Variants in NRXN1 observed in about 807,000 individuals in gnomAD.
NRXN1 encodes the protein neurexin-1.
In NRXN1, 39 loss-of-function variants were observed where a neutral mutation model predicts 150.9. The observed-to-expected ratio is 0.26, with a 90% CI of 0.20 to 0.34. The LOEUF (loss-of-function observed/expected upper bound fraction) is 0.34, where lower values mean the gene tolerates loss of function less well. Ranked by LOEUF, NRXN1 falls within the 10% of genes least tolerant of loss-of-function variation. NRXN1 has a pLI of 1.00. For synonymous variants in NRXN1, 924 were observed against 757.0 expected (o/e 1.22, Z -3.62); for missense variants, 1,815 against 1,949.9 (o/e 0.93, Z 1.30).
intron 5 of NRXN1, among the ~76,000 whole-genome samples, chr2:50,746,663 T>A (rs1217377391): frequency 6.6e-6 from 1 of 152,160 alleles, no homozygotes; most frequent in Non-Finnish European, 1.5e-5. Flanking sequence ...ACTCAGAGAC[T>A]GGGGGCTGCT....
intron 8 of NRXN1, among the ~76,000 whole-genome samples, chr2:50,569,286 G>C (rs1453572334): frequency 6.6e-6 from 1 of 152,026 alleles, no homozygotes; most frequent in East Asian, 1.9e-4. Flanking sequence ...ATAACTAAAA[G>C]AGTGTAATTG....
At chr2:50,785,261 T>C (rs1294284005) in intron 5 of NRXN1, among the ~76,000 whole-genome samples, 1 of 148,696 alleles carries the variant, frequency 6.7e-6, no homozygotes, top group Non-Finnish European at 1.5e-5. Context: ...TTTTTTTTTT[T>C]TTTTTGAGAC....
intron 2 of NRXN1, among the ~76,000 whole-genome samples, chr2:50,982,632 G>C (rs1221089762): frequency 6.6e-6 from 1 of 151,976 alleles, no homozygotes. Flanking sequence ...TATCAATAAG[G>C]CACCATTTGG....
rs114513679 is a variant in NRXN1 at position 50,956,377 on chromosome 2, T to A, written c.773-30422A>T. 2.8e-3 allele frequency among the ~76,000 whole-genome samples: 426 copies of A among 152,244 alleles called. 2 individuals carry two copies. The highest frequency in any genetic ancestry group is 9.5e-3 in the African/African-American group (394 of 41,540). ...GGGGCCTTGGAACATATTCCCCTCA[T>A]GTAAGGGGAGTAATCGCTATACATA... On this transcript the variant is annotated intron_variant, in intron 2 of 22. Coordinates refer to ENST00000401669, the MANE Select transcript of NRXN1 (RefSeq NM_001330078.2).
chr2:50,420,107 C>T (rs2083860256), intron 17 of NRXN1, among the ~76,000 whole-genome samples: 1 of 151,956 alleles, frequency 6.6e-6, no homozygotes. Flanking sequence ...AAATGACAGA[C>T]TTAAGAGAGG....
chr2:50,783,041 G>C (rs1026630767), intron 5 of NRXN1, among the ~76,000 whole-genome samples: 1 of 152,070 alleles, frequency 6.6e-6, no homozygotes, highest in South Asian at 2.1e-4. Flanking sequence ...GCCCCATTCT[G>C]TTATCTGTTA....
intron 5 of NRXN1, among the ~76,000 whole-genome samples, chr2:50,839,016 G>C (rs1160053276): frequency 6.6e-6 from 1 of 152,058 alleles, no homozygotes. Flanking sequence ...AGAATCAAGA[G>C]CCTGGTTTTC....
chr2:50,133,968 T>G (rs1297253592), intron 18 of NRXN1, among the ~76,000 whole-genome samples: 1 of 152,132 alleles, frequency 6.6e-6, no homozygotes, highest in East Asian at 1.9e-4. Flanking sequence ...AGACCTTCTC[T>G]AAACCCCAGG....
At chr2:50,434,130 G>A (rs898270573) in intron 17 of NRXN1, among the ~76,000 whole-genome samples, 13 of 129,858 alleles carry the variant, frequency 1.0e-4, no homozygotes, top group South Asian at 5.1e-4. Context: ...GCGCATCTCC[G>A]CTCACTGCAA....
At chr2:50,768,202 T>C (rs1253527467) in intron 5 of NRXN1, among the ~76,000 whole-genome samples, 2 of 152,136 alleles carry the variant, frequency 1.3e-5, no homozygotes, top group Non-Finnish European at 2.9e-5. Context: ...TTTGGGATTC[T>C]CTGCAGTGTA....
At chr2:50,289,949 C>T (rs774604539) in intron 17 of NRXN1, among the ~76,000 whole-genome samples, 13 of 152,024 alleles carry the variant, frequency 8.6e-5, no homozygotes, top group Non-Finnish European at 1.9e-4. Context: ...CCTGAGACAA[C>T]CCAGTTATTG....
chr2:50,505,088 T>C (rs1429738828), intron 13 of NRXN1, among the ~76,000 whole-genome samples: 4 of 152,172 alleles, frequency 2.6e-5, no homozygotes, highest in Non-Finnish European at 4.4e-5. Flanking sequence ...TAATAATCTG[T>C]GTTTTATATG....
chr2:49,992,366 C>T lies in NRXN1; in HGVS notation c.4129-48575G>A, dbSNP rs573839071. ...CATCCTGGACAACATGGTGAAACTC[C>T]GTCTCTACTAAAATACAAACAAAAA... On this transcript the variant is annotated intron_variant, in intron 21 of 22. Transcript: ENST00000401669. 3.9e-4 allele frequency among the ~76,000 whole-genome samples: 59 copies of T among 150,124 alleles called. 1 individual carries two copies. Among genetic ancestry groups the T allele is most frequent in the South Asian group, 2.8e-3 (13 of 4,718 alleles).
At chr2:50,317,234 T>A (rs2075682052) in intron 17 of NRXN1, among the ~76,000 whole-genome samples, 1 of 151,962 alleles carries the variant, frequency 6.6e-6, no homozygotes, top group African/African-American at 2.4e-5. Context: ...ACATAATTGA[T>A]TAATTAGACA....
chr2:49,961,114 C>T (rs76929319), intron 21 of NRXN1, among the ~76,000 whole-genome samples: 11 of 151,826 alleles, frequency 7.2e-5, no homozygotes, highest in East Asian at 1.9e-4. Context: ...TGTTTTCTAG[C>T]GAAAACTTGC....
chr2:50,220,886 G>A (rs1019332393), intron 18 of NRXN1, among the ~76,000 whole-genome samples: 1 of 151,962 alleles, frequency 6.6e-6, no homozygotes, highest in Non-Finnish European at 1.5e-5. Flanking sequence ...GTTATTGCTA[G>A]TTATGCAAGG....
At chr2:50,477,500 T>C (rs2090085696) in intron 15 of NRXN1, among the ~76,000 whole-genome samples, 1 of 152,142 alleles carries the variant, frequency 6.6e-6, no homozygotes, top group Admixed American at 6.5e-5. Context: ...AATGACGCGG[T>C]AGAGATTTCC....
chr2:49,988,543 T>C (rs1040679782), intron 21 of NRXN1, among the ~76,000 whole-genome samples: 3 of 151,414 alleles, frequency 2.0e-5, no homozygotes, highest in Non-Finnish European at 2.9e-5. Context: ...CCAGAAGACT[T>C]AGTGACTTAG....
chr2:50,523,911 T>A (rs538839875), intron 12 of NRXN1, among the ~76,000 whole-genome samples: 95 of 152,300 alleles, frequency 6.2e-4, no homozygotes, highest in Non-Finnish European at 1.2e-3. Flanking sequence ...ATACACTATT[T>A]TCTGTGAGAA....
Sources: gnomAD v4.1 joint callset for allele counts (sites outside exome capture counted in the v4.1 genomes callset) on GRCh38, gnomAD v4.1.1 for gene constraint, MANE v1.5 for transcripts, NCBI Gene and HGNC (gene_info 2026-07-23, HGNC 2026-07-21) for gene names.